SNX1: variants seen among roughly 807,000 people sequenced by gnomAD.
SNX1 encodes the protein sorting nexin 1.
SNX1 carries 36 observed loss-of-function variants against 71.8 expected under a neutral mutation model. The ratio of observed to expected loss-of-function variants is 0.50; its 90% CI spans 0.38 to 0.66. SNX1 has a LOEUF of 0.66. Among genes scored for constraint, SNX1 ranks in the 30% least tolerant of loss-of-function variants. SNX1 has a pLI of 0.00. For synonymous variants in SNX1, 254 were observed against 240.7 expected (o/e 1.06, Z -0.51); for missense variants, 612 against 646.7 (o/e 0.95, Z 0.58).
At chr15:64,116,546 G>A (rs1041935755) in intron 2 of SNX1, among the ~76,000 whole-genome samples, 5 of 152,132 alleles carry the variant, frequency 3.3e-5, no homozygotes, top group African/African-American at 1.2e-4. Flanking sequence ...ATACTGATCT[G>A]GGACTTGATT....
At chr15:64,130,831 G>T (rs1406809786) in intron 10 of SNX1, among the ~76,000 whole-genome samples, 2 of 152,164 alleles carry the variant, frequency 1.3e-5, no homozygotes, top group African/African-American at 4.8e-5. Context: ...ATGAGGCCAG[G>T]GTAAGTAAGG....
At chr15:64,120,855 T>A (rs763455080) in intron 4 of SNX1, among the ~76,000 whole-genome samples, 39 of 151,542 alleles carry the variant, frequency 2.6e-4, no homozygotes, top group Admixed American at 5.3e-4. Flanking sequence ...AGAAAAAAAA[T>A]TTTTTTTTAA....
chr15:64,127,420 A>C (rs1006095117), intron 7 of SNX1, among the ~76,000 whole-genome samples, 168 bp downstream of exon 7: 4 of 152,186 alleles, frequency 2.6e-5, no homozygotes, highest in Admixed American at 6.5e-5. Flanking sequence ...TTATTTTCCC[A>C]CCTTGAGAAT....
At position 64,134,841 on chromosome 15, in the gene SNX1, TCTG is replaced by T. The variant is rs1440498799; in HGVS notation, c.1365+38_1365+40del. The T allele has an allele frequency of 6.2e-6, 10 of 1,611,192 alleles. No homozygotes were observed. The South Asian group carries it at 1.1e-4, about 18-fold the overall frequency. ...ACTGAGGCAGCCCAGCCAGGGGTGTTCTGCTGGTTCCAAATGAACCCAGGGCCC... is the reference window on the plus strand; with the variant it reads ...ACTGAGGCAGCCCAGCCAGGGGTGTTCTGGTTCCAAATGAACCCAGGGCCC... On this transcript the variant is annotated intron_variant, in intron 12 of 14. Coordinates refer to ENST00000559844, the MANE Select transcript of SNX1 (RefSeq NM_003099.5). This position sits in a 1 kb window ranked among gnomAD's most constrained non-coding sequence, Gnocchi z 4.1.
intron 9 of SNX1, 50 bp from the exon 10 acceptor site, chr15:64,130,178 C>G (rs774101039): frequency 2.6e-6 from 4 of 1,535,656 alleles, no homozygotes; most frequent in Non-Finnish European, 3.6e-6. Flanking sequence ...AAAGACTGTA[C>G]TGCACCCATA....
chr15:64,126,609 C>G (rs1414255969), intron 6 of SNX1, among the ~76,000 whole-genome samples: 2 of 152,112 alleles, frequency 1.3e-5, no homozygotes, highest in African/African-American at 4.8e-5. Context: ...GAGGTGGAGT[C>G]TCGCTCTGTC....
In SNX1 at chr15:64,139,983, C is replaced by T. The variant is rs933560055; in HGVS notation, c.*2365C>T. The T allele has an allele frequency of 3.3e-5, 5 of 152,154 alleles. No homozygotes were observed. Among genetic ancestry groups the T allele is most frequent in the Admixed American group, 6.5e-5 (1 of 15,278 alleles). 9.4% of individuals were successfully genotyped at this position (152,154 alleles called of 1,614,324 possible). On this transcript the variant is annotated 3_prime_UTR_variant, in exon 15 of 15. Coordinates refer to ENST00000559844, the MANE Select transcript of SNX1 (RefSeq NM_003099.5). ...CAGTGTGTCGTCAGTGCGTCGTAAT[C>T]AGCATATAATGTCAGTTGGTCCCAT...
intron 10 of SNX1, among the ~76,000 whole-genome samples, chr15:64,130,615 C>CTA: frequency 6.6e-6 from 1 of 152,292 alleles, no homozygotes. Context: ...TGGCTTACAT[C>CTA]CAAAATGATG....
intron 1 of SNX1, among the ~76,000 whole-genome samples, chr15:64,112,099 G>A (rs558476140): frequency 3.3e-5 from 5 of 152,268 alleles, no homozygotes; most frequent in South Asian, 2.1e-4. Context: ...CTTCCTTTGC[G>A]TGTCAGATGG....
chr15:64,120,016 T>G lies in SNX1; in HGVS notation c.466+1162T>G, dbSNP rs560907742. On this transcript the variant is annotated intron_variant, in intron 4 of 14. Coordinates refer to ENST00000559844, the MANE Select transcript of SNX1 (RefSeq NM_003099.5). ...CTTCAAAAAGCATAACACTTAACTTTGTCTGGACTTGGATTTTTAGGATGG... is the reference window on the plus strand; with the variant it reads ...CTTCAAAAAGCATAACACTTAACTTGGTCTGGACTTGGATTTTTAGGATGG... Among the ~76,000 whole-genome samples the G allele has an allele frequency of 6.6e-5, 10 of 152,304 alleles. No homozygotes were observed. In the South Asian group the frequency reaches 2.1e-3, roughly 32 times the overall value.
intron 1 of SNX1, among the ~76,000 whole-genome samples, chr15:64,103,080 C>A (rs538348611): frequency 6.6e-6 from 1 of 152,238 alleles, no homozygotes; most frequent in South Asian, 2.1e-4. Context: ...ACCACATATT[C>A]TTTATCCATT....
chr15:64,113,120 A>T (rs544800307), intron 2 of SNX1, among the ~76,000 whole-genome samples: 3 of 152,338 alleles, frequency 2.0e-5, no homozygotes, highest in Non-Finnish European at 4.4e-5. Flanking sequence ...ACTTGCCCTT[A>T]CTACTTCTAA....
At position 64,139,966 on chromosome 15, in the gene SNX1, C is replaced by T. The variant is rs531476707; in HGVS notation, c.*2348C>T. The stretch of plus-strand genomic sequence containing the variant: ...TGGGAATATCACAGAAGCAGTGTGT[C>T]GTCAGTGCGTCGTAATCAGCATATA... On this transcript the variant is annotated 3_prime_UTR_variant, in exon 15 of 15. Transcript: ENST00000559844. 2 of 152,074 alleles carry T rather than the reference C, an allele frequency of 1.3e-5. No homozygotes were observed. The highest frequency in any genetic ancestry group is 2.1e-4 in the South Asian group (1 of 4,810). 9.4% of individuals were successfully genotyped at this position (152,074 alleles called of 1,614,324 possible).
In SNX1 at chr15:64,130,284, G is replaced by A. The variant is rs762312844; in HGVS notation, c.978G>A (p.Leu326=). ...VECEEQRLRK[L]HAVVETLVNH... ...GTGAGGAGCAGCGCTTACGGAAACT[G>A]CATGCTGTTGTAGAAACTCTAGTCA... The change falls in exon 10 of 15, where the codon CTG becomes CTA. Residue 326 remains leucine (L), a synonymous_variant. Transcript: ENST00000559844. The A allele has an allele frequency of 1.2e-6, 2 of 1,614,116 alleles. No homozygotes were observed. The highest frequency in any genetic ancestry group is 2.2e-5 in the East Asian group (1 of 44,888).
rs1274501024 is a variant in SNX1 at position 64,137,623 on chromosome 15, C to G, written c.*5C>G. Reference sequence around the variant, plus strand: ...GAGGCAAAGGCCATCTCCTAATGGACCAAGGACCCCAGAGCCCACCTGTGT... The same window carrying G: ...GAGGCAAAGGCCATCTCCTAATGGAGCAAGGACCCCAGAGCCCACCTGTGT... On this transcript the variant is annotated 3_prime_UTR_variant, in exon 15 of 15. Transcript: ENST00000559844. 2.5e-6 allele frequency: 4 copies of G among 1,614,186 alleles called. No homozygotes were observed.
intron 1 of SNX1, among the ~76,000 whole-genome samples, chr15:64,105,813 A>G (rs2081015107): frequency 6.6e-6 from 1 of 152,194 alleles, no homozygotes; most frequent in Non-Finnish European, 1.5e-5. Flanking sequence ...CTCAGTGGTC[A>G]GCTTCATGCT....
At chr15:64,117,236 C>A (rs1239694355) in intron 2 of SNX1, among the ~76,000 whole-genome samples, 1 of 152,076 alleles carries the variant, frequency 6.6e-6, no homozygotes, top group African/African-American at 2.4e-5. Flanking sequence ...AAGCAAATAT[C>A]TGAACTTCTT....
At chr15:64,131,569 C>T in intron 10 of SNX1, 118 bp from the exon 11 acceptor site, 1 of 876,100 alleles carries the variant, frequency 1.1e-6, no homozygotes, top group Non-Finnish European at 1.8e-6. Context: ...GTTGCAGAGC[C>T]CTCAGTTCCC....
Position 64,112,675 on chromosome 15 carries a change from C to A in SNX1, c.262C>A (p.Leu88Ile). The change falls in exon 2 of 15, where the codon CTC becomes ATC. Residue 88 changes from leucine (L) to isoleucine (I), a missense_variant. Leu to Ile is a conservative substitution (Grantham distance 5, BLOSUM62 2). Transcript: ENST00000559844. ...HEEQDQEPQD[L>I]FADATVELSL... ...AGAACAAGACCAAGAGCCACAGGAT[C>A]TCTTTGCAGGCAAGTTTGGACTCAA... 2 of 1,610,190 alleles carry A rather than the reference C, an allele frequency of 1.2e-6. No individual in the cohort carries two copies. Among genetic ancestry groups the A allele is most frequent in the East Asian group, 2.2e-5 (1 of 44,822 alleles).
Sources: gnomAD v4.1 joint callset for allele counts (sites outside exome capture counted in the v4.1 genomes callset) on GRCh38, gnomAD v4.1.1 for gene constraint, Gnocchi (gnomAD v3.1) non-coding constraint, MANE v1.5 for transcripts, NCBI Gene and HGNC (gene_info 2026-07-23, HGNC 2026-07-21) for gene names.